Variants in COL9A3 observed in about 807,000 individuals in gnomAD.
COL9A3 encodes collagen alpha-3(IX) chain.
A neutral mutation model predicts 110.2 loss-of-function variants in COL9A3; 82 were observed. The ratio of observed to expected loss-of-function variants is 0.74; its 90% CI spans 0.62 to 0.89. COL9A3 has a LOEUF of 0.89. Ranked by LOEUF, COL9A3 falls within the 40% of genes least tolerant of loss-of-function variation. The probability of loss-of-function intolerance (pLI) is 0.00; values close to 1 mark genes in which losing one functional copy is unlikely to be tolerated. For synonymous variants in COL9A3, 494 were observed against 403.8 expected, an observed-to-expected ratio of 1.22 and a Z score of -2.68; for missense variants, 1,066 against 981.3, an observed-to-expected ratio of 1.09 and a Z score of -1.15.
At chr20:62,828,334 C>T (rs761544316) in intron 17 of COL9A3, among the ~76,000 whole-genome samples, 7 of 152,328 alleles carry the variant, frequency 4.6e-5, no homozygotes, top group South Asian at 2.1e-4. Flanking sequence ...TCCCTTCTAG[C>T]CCCTCGTGTT....
intron 19 of COL9A3, 34 bp downstream of exon 19, chr20:62,829,010 G>A (rs749406027): frequency 1.0e-4 from 165 of 1,571,472 alleles, no homozygotes; most frequent in Admixed American, 5.4e-5. Context: ...AGCCTGGGGC[G>A]CCACAGCTTC....
At chr20:62,822,075 TG>T in intron 8 of COL9A3, 35 bp from the exon 9 acceptor site, 1 of 1,337,478 alleles carries the variant, frequency 7.5e-7, no homozygotes, top group Non-Finnish European at 1.1e-6. Context: ...AGGTGGGGGC[TG>T]GTCCCACTCT....
In COL9A3 at chr20:62,817,886, C is replaced by T. The variant is rs1232110328; in HGVS notation, c.147+251C>T. 13 of 634,724 alleles carry T rather than the reference C, an allele frequency of 2.0e-5. No individual in the cohort carries two copies. 39.3% of individuals were successfully genotyped at this position (634,724 alleles called of 1,614,324 possible). On this transcript the variant is annotated intron_variant, in intron 2 of 31. Coordinates refer to ENST00000649368, the MANE Select transcript of COL9A3 (RefSeq NM_001853.4). Reference sequence around the variant, plus strand: ...GGCACTGAGGTGTGTGTCTCTGGGTCCCCTGAGGGGCCCGTGCCCCTGTGT... The same window carrying T: ...GGCACTGAGGTGTGTGTCTCTGGGTTCCCTGAGGGGCCCGTGCCCCTGTGT...
At position 62,824,440 on chromosome 20, in the gene COL9A3, G is replaced by A. The variant is rs372593417; in HGVS notation, c.520-5G>A. Reference sequence around the variant, plus strand: ...GAGGGGTCTGACTGCTCTGTTTTCCGACAGTGCCCAAGTATCTGCCCGCCA... The same window carrying A: ...GAGGGGTCTGACTGCTCTGTTTTCCAACAGTGCCCAAGTATCTGCCCGCCA... On this transcript the variant is annotated splice_region_variant and splice_polypyrimidine_tract_variant and intron_variant, in intron 10 of 31. Coordinates refer to ENST00000649368, the MANE Select transcript of COL9A3 (RefSeq NM_001853.4). The A allele has an allele frequency of 1.3e-4, 201 of 1,600,364 alleles. No individual in the cohort carries two copies. Among genetic ancestry groups the A allele is most frequent in the Middle Eastern group, 8.3e-4 (5 of 6,036 alleles).
At chr20:62,819,115 C>T (rs1367324998) in intron 3 of COL9A3, 107 bp from the exon 4 acceptor site, 10 of 1,116,796 alleles carry the variant, frequency 9.0e-6, no homozygotes, top group East Asian at 4.9e-5. Flanking sequence ...GGGCCCATCC[C>T]GTATGGTTGG....
At chr20:62,830,224 G>T in intron 22 of COL9A3, 136 bp from the exon 23 acceptor site, 1 of 1,055,510 alleles carries the variant, frequency 9.5e-7, no homozygotes, top group Non-Finnish European at 1.4e-6. Flanking sequence ...TTTGTCCCCA[G>T]CAACCCAGCC....
intron 17 of COL9A3, 72 bp from the exon 18 acceptor site, chr20:62,828,692 C>T: frequency 1.3e-6 from 2 of 1,550,688 alleles, no homozygotes; most frequent in African/African-American, 1.4e-5. Flanking sequence ...AGGAGGCTGC[C>T]CCCAGGGCAG....
At chr20:62,821,412 C>T in intron 6 of COL9A3, 95 bp from the exon 7 acceptor site, 2 of 1,547,088 alleles carry the variant, frequency 1.3e-6, no homozygotes, top group Non-Finnish European at 1.8e-6. Context: ...CTGGAACCGC[C>T]CTTTCCCCAG....
intron 26 of COL9A3, among the ~76,000 whole-genome samples, chr20:62,833,702 C>T (rs1441297252): frequency 2.0e-5 from 3 of 150,392 alleles, no homozygotes; most frequent in Non-Finnish European, 3.0e-5. Context: ...CGCGCCCGGC[C>T]GGGGGTTTTT....
rs376055075 is a variant in COL9A3 at position 62,830,790 on chromosome 20, AC to A, written c.1287+208del. Among the ~76,000 whole-genome samples the A allele has an allele frequency of 0.06, 1,025 of 17,110 alleles. 68 individuals are homozygous for A. The highest frequency in any genetic ancestry group is 0.091 in the South Asian group (28 of 308). The allele number at this position is 17,110 out of a possible 152,430, so 11.2% of individuals were successfully genotyped here. Reference sequence around the variant, plus strand: ...CCCCCACCCCCTACCACAATCCCCCACCCCCCACCACAGTCCCCTGGGACGC... The same window carrying A: ...CCCCCACCCCCTACCACAATCCCCCACCCCCACCACAGTCCCCTGGGACGC... On this transcript the variant is annotated intron_variant, in intron 24 of 31. Coordinates refer to ENST00000649368, the MANE Select transcript of COL9A3 (RefSeq NM_001853.4).
At position 62,819,344 on chromosome 20, in the gene COL9A3, C is replaced by T. The variant is rs538712069; in HGVS notation, c.255+51C>T. 2.6e-6 allele frequency: 4 copies of T among 1,541,634 alleles called. No individual in the cohort carries two copies. The East Asian group carries it at 6.8e-5, about 26-fold the overall frequency. On this transcript the variant is annotated intron_variant, in intron 4 of 31. Coordinates refer to ENST00000649368, the MANE Select transcript of COL9A3 (RefSeq NM_001853.4). ...ATGCCCCACTCCCCGCTCCGGGTCC[C>T]TGGAGGAGTCCGGCCCTAATTGCTG...
intron 11 of COL9A3, 113 bp from the exon 12 acceptor site, chr20:62,824,855 G>C (rs979730810): frequency 6.9e-6 from 8 of 1,152,674 alleles, no homozygotes; most frequent in African/African-American, 1.5e-5. Context: ...GGTCCTGTGC[G>C]CTGCCGTGTG....
chr20:62,839,611 TCTC>T (rs1316051700), intron 31 of COL9A3, among the ~76,000 whole-genome samples: 1 of 151,634 alleles, frequency 6.6e-6, no homozygotes, highest in Non-Finnish European at 1.5e-5. Context: ...TCTCCTCTCC[TCTC>T]CTCCACGCAC....
Position 62,829,518 on chromosome 20 carries a change from T to C in COL9A3, c.1053+19T>C. The stretch of plus-strand genomic sequence containing the variant: ...AGAACGGGTATGTGGCTGCAGCCGC[T>C]TTCTCTCTGGGAGGGGAGGCGAGGG... On this transcript the variant is annotated intron_variant, in intron 20 of 31. Transcript: ENST00000649368. 1 of 1,612,610 alleles carries C rather than the reference T, an allele frequency of 6.2e-7. No homozygotes were observed. The highest frequency in any genetic ancestry group is 8.5e-7 in the Non-Finnish European group (1 of 1,179,812).
At chr20:62,826,504 C>A (rs953140717) in intron 14 of COL9A3, among the ~76,000 whole-genome samples, 1 of 152,328 alleles carries the variant, frequency 6.6e-6, no homozygotes, top group Non-Finnish European at 1.5e-5. Flanking sequence ...GCTATTCACG[C>A]GTGTGCCCGG....
chr20:62,833,477 C>T (rs535336525), intron 26 of COL9A3, among the ~76,000 whole-genome samples: 4 of 152,196 alleles, frequency 2.6e-5, no homozygotes, highest in Non-Finnish European at 2.9e-5. Flanking sequence ...GATCTCGGCT[C>T]GCTGCAAGCT....
intron 14 of COL9A3, 136 bp from the exon 15 acceptor site, chr20:62,826,631 G>T: frequency 1.1e-6 from 1 of 889,330 alleles, no homozygotes. Context: ...AGACTACTAG[G>T]TGGCATCTTG....
chr20:62,836,965 A>T, intron 29 of COL9A3, 118 bp from the exon 30 acceptor site: 2 of 1,298,826 alleles, frequency 1.5e-6, no homozygotes, highest in African/African-American at 1.4e-5. Flanking sequence ...ATTTTCCATC[A>T]ATCAGAAGGA....
chr20:62,818,433 A>G, intron 2 of COL9A3, 85 bp from the exon 3 acceptor site: 2 of 1,333,674 alleles, frequency 1.5e-6, no homozygotes, highest in Non-Finnish European at 2.2e-6. Context: ...GCTGATTTGG[A>G]GGCCAGCGCT....
Sources: gnomAD v4.1 joint callset for allele counts (sites outside exome capture counted in the v4.1 genomes callset) on GRCh38, gnomAD v4.1.1 for gene constraint, MANE v1.5 for transcripts, NCBI Gene and HGNC (gene_info 2026-07-23, HGNC 2026-07-21) for gene names.